PCDH11X: variants seen among roughly 807,000 people sequenced by gnomAD.
PCDH11X encodes protocadherin 11 X-linked.
A neutral mutation model predicts 53.3 loss-of-function variants in PCDH11X; 18 were observed. The observed-to-expected ratio is 0.34, with a 90% CI of 0.23 to 0.50. The LOEUF is 0.50. Among genes scored for constraint, PCDH11X ranks in the 20% least tolerant of loss-of-function variants. The probability of loss-of-function intolerance (pLI) is 0.98; values close to 1 mark genes in which losing one functional copy is unlikely to be tolerated. For missense variants in PCDH11X, 570 were observed against 1,032.4 expected, an observed-to-expected ratio of 0.55 and a Z score of 6.14; for synonymous variants, 279 against 393.3, an observed-to-expected ratio of 0.71 and a Z score of 3.44.
intron 6 of PCDH11X, among the ~76,000 whole-genome samples, chrX:92,124,554 A>T (rs1174232882): frequency 1.8e-5 from 2 of 108,544 alleles, no homozygotes; most frequent in Admixed American, 1.0e-4. Context: ...TAAAAAAAAA[A>T]AAAAAATAGG....
At chrX:92,560,345 G>C (rs2075114551) in intron 10 of PCDH11X, among the ~76,000 whole-genome samples, 1 of 112,228 alleles carries the variant, frequency 8.9e-6, no homozygotes, top group South Asian at 3.7e-4. Flanking sequence ...TCTGAGATAT[G>C]CTGGCTTCGG....
chrX:92,247,984 G>GA lies in PCDH11X; in HGVS notation c.3115-15123dup, dbSNP rs779734166. On this transcript the variant is annotated intron_variant, in intron 7 of 10. Transcript: ENST00000682573. ...AACATAAAAATAATGAATTCAACTG[G>GA]AAAAAAATGAGTGGCTTTGTCTTGA... Among the ~76,000 whole-genome samples, 10 of 107,432 alleles carry GA rather than the reference G, an allele frequency of 9.3e-5. No individual in the cohort carries two copies. In the East Asian group the frequency reaches 3.3e-3, roughly 36 times the overall value. 93.3% of individuals were successfully genotyped at this position (107,432 alleles called of 115,157 possible). A position where few individuals can be genotyped will look rare whatever the true frequency, so the allele number is the denominator to read the frequency against.
intron 6 of PCDH11X, among the ~76,000 whole-genome samples, chrX:92,123,957 T>C (rs1325909966): frequency 9.1e-6 from 1 of 110,025 alleles, no homozygotes; most frequent in Non-Finnish European, 1.9e-5. Context: ...TCTCCATTTT[T>C]AATTTTTATC....
At chrX:92,430,072 G>T (rs1342857265) in intron 9 of PCDH11X, among the ~76,000 whole-genome samples, 1 of 104,400 alleles carries the variant, frequency 9.6e-6, no homozygotes, top group Non-Finnish European at 2.0e-5. Context: ...GCTTCTTTAG[G>T]ATTTCACCCA....
At chrX:92,181,071 G>A (rs1363384148) in intron 6 of PCDH11X, among the ~76,000 whole-genome samples, 1 of 111,208 alleles carries the variant, frequency 9.0e-6, no homozygotes, top group Non-Finnish European at 1.9e-5. Context: ...GAAAACTTTG[G>A]AACTTTCTAG....
At chrX:92,536,528 A>G (rs2074661531) in intron 10 of PCDH11X, among the ~76,000 whole-genome samples, 1 of 110,877 alleles carries the variant, frequency 9.0e-6, no homozygotes, top group African/African-American at 3.3e-5. Flanking sequence ...GTTTTTGTGG[A>G]AGTTTCAGAA....
intron 6 of PCDH11X, among the ~76,000 whole-genome samples, chrX:91,917,819 A>T (rs1023389565): frequency 9.1e-6 from 1 of 110,462 alleles, no homozygotes; most frequent in African/African-American, 3.3e-5. Context: ...ACCAGAAAAA[A>T]ACTATCCTAA....
At chrX:92,178,067 T>G (rs906919954) in intron 6 of PCDH11X, among the ~76,000 whole-genome samples, 1 of 111,078 alleles carries the variant, frequency 9.0e-6, no homozygotes, top group African/African-American at 3.3e-5. Flanking sequence ...GCAATTCTGT[T>G]GCTTTCTCTT....
intron 6 of PCDH11X, among the ~76,000 whole-genome samples, chrX:92,174,233 A>G: frequency 9.1e-6 from 1 of 110,166 alleles, no homozygotes; most frequent in Non-Finnish European, 1.9e-5. Context: ...CAAAAAGAAA[A>G]AAAAACCTCA....
At chrX:92,012,682 G>A (rs929769338) in intron 6 of PCDH11X, among the ~76,000 whole-genome samples, 1 of 111,188 alleles carries the variant, frequency 9.0e-6, no homozygotes, top group Non-Finnish European at 1.9e-5. Flanking sequence ...GGTAGACCTG[G>A]TACATGTCCA....
chrX:92,015,770 G>A (rs2062782764), intron 6 of PCDH11X, among the ~76,000 whole-genome samples: 1 of 111,638 alleles, frequency 9.0e-6, no homozygotes, highest in Admixed American at 9.6e-5. Context: ...CCATGAGCGG[G>A]GGAATCACCT....
chrX:92,338,692 A>G lies in PCDH11X; in HGVS notation c.3145-49043A>G, dbSNP rs79942480. On this transcript the variant is annotated intron_variant, in intron 8 of 10. Transcript: ENST00000682573. ...CACACAAGCATGGAAAATGCTTGTA[A>G]ATAACCAATAGGCAATCAAATCAAG... 2.9e-3 allele frequency among the ~76,000 whole-genome samples: 321 copies of G among 111,656 alleles called. 6 individuals are homozygous for G. In the East Asian group the frequency reaches 0.054, roughly 19 times the overall value.
At position 92,259,602 on chromosome X, in the gene PCDH11X, A is replaced by G. The variant is rs145557828; in HGVS notation, c.3115-3512A>G. On this transcript the variant is annotated intron_variant, in intron 7 of 10. Transcript: ENST00000682573. ...ATCCAATCACTTCCCATCAGGCCCCACCTCCAACAATGGGGATTACAATTC... is the reference window on the plus strand; with the variant it reads ...ATCCAATCACTTCCCATCAGGCCCCGCCTCCAACAATGGGGATTACAATTC... 7.5e-3 allele frequency among the ~76,000 whole-genome samples: 834 copies of G among 111,518 alleles called. 8 individuals are homozygous for G. Among genetic ancestry groups the G allele is most frequent in the African/African-American group, 0.026 (796 of 30,654 alleles).
chrX:92,126,662 C>A (rs746330201), intron 6 of PCDH11X, among the ~76,000 whole-genome samples: 1 of 108,141 alleles, frequency 9.2e-6, no homozygotes, highest in Non-Finnish European at 1.9e-5. Flanking sequence ...AAAAAAATCT[C>A]TTTTTTGATT....
intron 10 of PCDH11X, among the ~76,000 whole-genome samples, chrX:92,617,636 G>A (rs968503532): frequency 9.1e-6 from 1 of 110,490 alleles, no homozygotes; most frequent in African/African-American, 3.3e-5. Context: ...CATAAAAAGA[G>A]TATTATAAAC....
chrX:92,286,171 G>A (rs1387092027), intron 8 of PCDH11X, among the ~76,000 whole-genome samples: 1 of 107,983 alleles, frequency 9.3e-6, no homozygotes, highest in African/African-American at 3.4e-5. Flanking sequence ...TTTATGGCCA[G>A]ATTTGGGGGC....
At chrX:92,009,238 A>G (rs1327633658) in intron 6 of PCDH11X, among the ~76,000 whole-genome samples, 2 of 112,009 alleles carry the variant, frequency 1.8e-5, no homozygotes, top group African/African-American at 6.5e-5. Flanking sequence ...GGTAAGAATA[A>G]TAGAAATATT....
chrX:92,201,928 G>A (rs1404721407), intron 7 of PCDH11X, among the ~76,000 whole-genome samples: 2 of 111,486 alleles, frequency 1.8e-5, no homozygotes, highest in Non-Finnish European at 1.9e-5. Context: ...CTCTTCCCTT[G>A]GAGGGAAGAA....
rs866588353 is a variant in PCDH11X at position 92,148,081 on chromosome X, T to C, written c.3034-53294T>C. On this transcript the variant is annotated intron_variant, in intron 6 of 10. Transcript: ENST00000682573. ...TCCTTTCTTTCTTTCTTTCTTTCTT[T>C]CTTTCTTTCTTTCTTTCTTTCTTTC... Among the ~76,000 whole-genome samples, 80 of 14,137 alleles carry C rather than the reference T, an allele frequency of 5.7e-3. 7 individuals carry two copies. The highest frequency in any genetic ancestry group is 0.022 in the African/African-American group (73 of 3,290). 12.3% of individuals were successfully genotyped at this position (14,137 alleles called of 115,157 possible).
Sources: gnomAD v4.1 joint callset for allele counts (sites outside exome capture counted in the v4.1 genomes callset) on GRCh38, gnomAD v4.1.1 for gene constraint, MANE v1.5 for transcripts, NCBI Gene and HGNC (gene_info 2026-07-23, HGNC 2026-07-21) for gene names.